Variants in AGMO observed in about 807,000 individuals in gnomAD.
The protein encoded by AGMO is glyceryl-ether monooxygenase.
In AGMO, 75 loss-of-function variants were observed where a neutral mutation model predicts 60.2. That is an observed-to-expected ratio of 1.25 (90% CI 1.03 to 1.51). The LOEUF (loss-of-function observed/expected upper bound fraction) is 1.51, where lower values mean the gene tolerates loss of function less well. Among genes scored for constraint, AGMO ranks in the 40% most tolerant of loss-of-function variants. The pLI is 0.00. For missense variants in AGMO, 763 were observed against 525.5 expected (o/e 1.45, Z -4.42); for synonymous variants, 261 against 177.1 (o/e 1.47, Z -3.76).
At chr7:15,346,533 T>A (rs1400890606) in intron 12 of AGMO, among the ~76,000 whole-genome samples, 8 of 151,656 alleles carry the variant, frequency 5.3e-5, no homozygotes. Flanking sequence ...CCTTCTTAAA[T>A]AATACGATAT....
At position 15,354,455 on chromosome 7, in the gene AGMO, T is replaced by C. The variant is rs59582394; in HGVS notation, c.1263+11059A>G. Among the ~76,000 whole-genome samples the C allele has an allele frequency of 2.6e-3, 52 of 19,798 alleles. 6 individuals carry two copies. The highest frequency in any genetic ancestry group is 9.7e-3 in the East Asian group (5 of 516). The allele number at this position is 19,798 out of a possible 152,430, so 13.0% of individuals were successfully genotyped here. A position where few individuals can be genotyped will look rare whatever the true frequency, so the allele number is the denominator to read the frequency against. On this transcript the variant is annotated intron_variant, in intron 12 of 12. Coordinates refer to ENST00000342526, the MANE Select transcript of AGMO (RefSeq NM_001004320.2). ...GTGTGTGTATACACACGTGTGTGTA[T>C]ACACACGTGTGTGTATACACACGTG...
chr7:15,258,467 T>A (rs953975274), intron 12 of AGMO, among the ~76,000 whole-genome samples: 1 of 151,308 alleles, frequency 6.6e-6, no homozygotes, highest in Non-Finnish European at 1.5e-5. Flanking sequence ...ATCACTTTAA[T>A]CCGGGAGGCG....
chr7:15,322,483 T>A (rs1318079273), intron 12 of AGMO, among the ~76,000 whole-genome samples: 1 of 94,764 alleles, frequency 1.1e-5, no homozygotes, highest in Non-Finnish European at 1.9e-5. Context: ...TAAATATATA[T>A]ATAAATATAT....
At chr7:15,309,969 G>T (rs1002377324) in intron 12 of AGMO, among the ~76,000 whole-genome samples, 3 of 151,976 alleles carry the variant, frequency 2.0e-5, no homozygotes, top group South Asian at 2.1e-4. Context: ...TATCCCTTCA[G>T]CTTCATATAA....
the AGMO span, among the ~76,000 whole-genome samples, chr7:15,159,052 TATCAAGAAACAAGATA>T: frequency 6.6e-6 from 1 of 152,026 alleles, no homozygotes; most frequent in Admixed American, 6.6e-5. Context: ...TCTCATAATA[TATCAAGAAACAAGATA>T]ATCAAGAAAC....
intron 3 of AGMO, among the ~76,000 whole-genome samples, chr7:15,475,564 C>T (rs1782572431): frequency 6.6e-6 from 1 of 151,838 alleles, no homozygotes; most frequent in African/African-American, 2.4e-5. Flanking sequence ...AGAGGGATAG[C>T]ATTAGGAGAA....
At chr7:15,273,400 C>A (rs1783677454) in intron 12 of AGMO, among the ~76,000 whole-genome samples, 1 of 152,080 alleles carries the variant, frequency 6.6e-6, no homozygotes. Context: ...TTCCTCATTT[C>A]TTGTTTTTGT....
chr7:15,518,179 C>G (rs925035074), intron 3 of AGMO, among the ~76,000 whole-genome samples: 2 of 152,178 alleles, frequency 1.3e-5, no homozygotes, highest in African/African-American at 4.8e-5. Flanking sequence ...GCACTTACTA[C>G]ATAGATAAAA....
the AGMO span, among the ~76,000 whole-genome samples, chr7:15,189,054 A>C: frequency 6.6e-6 from 1 of 152,190 alleles, no homozygotes; most frequent in African/African-American, 2.4e-5. Flanking sequence ...TCTTTTAAAA[A>C]GTTGGGGAAA....
chr7:15,207,004 AT>A lies in AGMO; in HGVS notation c.1264-5646del. ...TTCAGTTCCCTAATTTTATACAATT[AT>A]TTACTCACTTCTAAAGGTCTAAACT... On this transcript the variant is annotated intron_variant, in intron 12 of 12. Coordinates refer to ENST00000342526, the MANE Select transcript of AGMO (RefSeq NM_001004320.2). Among the ~76,000 whole-genome samples, 6 of 152,298 alleles carry A rather than the reference AT, an allele frequency of 3.9e-5. No individual in the cohort carries two copies. The Middle Eastern group carries it at 0.014, about 345-fold the overall frequency.
intron 12 of AGMO, among the ~76,000 whole-genome samples, chr7:15,317,954 C>CTA (rs56387330): frequency 0.011 from 1,562 of 140,682 alleles, 36 homozygotes; most frequent in African/African-American, 0.039. Flanking sequence ...CACACACACA[C>CTA]TATATATATA....
chr7:15,215,481 G>A (rs928263062), intron 12 of AGMO, among the ~76,000 whole-genome samples: 1 of 151,936 alleles, frequency 6.6e-6, no homozygotes, highest in Non-Finnish European at 1.5e-5. Context: ...GGCTGGGTCA[G>A]TAGGAATGAT....
At chr7:15,225,342 A>C (rs1057227580) in intron 12 of AGMO, among the ~76,000 whole-genome samples, 3 of 152,090 alleles carry the variant, frequency 2.0e-5, no homozygotes, top group Middle Eastern at 3.4e-3. Context: ...TCCTTCAGTT[A>C]ATCTTTGTAT....
At chr7:15,505,038 A>G (rs1465846443) in intron 3 of AGMO, among the ~76,000 whole-genome samples, 1 of 151,930 alleles carries the variant, frequency 6.6e-6, no homozygotes, top group Non-Finnish European at 1.5e-5. Context: ...TGTAATGCCA[A>G]TTTTAATTTC....
In AGMO at chr7:15,293,571, G is replaced by A. The variant is rs369695702; in HGVS notation, c.1263+71943C>T. On this transcript the variant is annotated intron_variant, in intron 12 of 12. Transcript: ENST00000342526. ...GAAACAACAACAACAAAAACTACCA[G>A]GGTACTAGTTACAAAAAACTGTTAA... Among the ~76,000 whole-genome samples the A allele has an allele frequency of 1.3e-3, 200 of 152,150 alleles. 6 individuals carry two copies. In the South Asian group the frequency reaches 0.041, roughly 31 times the overall value.
At chr7:15,388,036 T>A (rs1397005379) in intron 8 of AGMO, among the ~76,000 whole-genome samples, 1 of 151,802 alleles carries the variant, frequency 6.6e-6, no homozygotes, top group Non-Finnish European at 1.5e-5. Flanking sequence ...GCCTCCTGAG[T>A]AGCTGGGATT....
intron 12 of AGMO, among the ~76,000 whole-genome samples, chr7:15,223,961 A>AT (rs1159978949): frequency 6.6e-6 from 1 of 152,096 alleles, no homozygotes; most frequent in Non-Finnish European, 1.5e-5. Context: ...GCTGGAGGCT[A>AT]TCAAGTAAAA....
At chr7:15,250,829 C>T (rs1782909191) in intron 12 of AGMO, among the ~76,000 whole-genome samples, 1 of 151,860 alleles carries the variant, frequency 6.6e-6, no homozygotes, top group East Asian at 1.9e-4. Flanking sequence ...CCTGTAATCC[C>T]AGCTACTCGG....
chr7:15,198,834 T>TC (rs942747810), downstream of AGMO, among the ~76,000 whole-genome samples: 2 of 152,126 alleles, frequency 1.3e-5, no homozygotes, highest in African/African-American at 4.8e-5. Flanking sequence ...GAAAAATATC[T>TC]CCAACACCAA....
Sources: allele counts gnomAD v4.1 joint callset (sites outside exome capture counted in the v4.1 genomes callset), GRCh38; gene constraint gnomAD v4.1.1; transcripts MANE v1.5; gene names NCBI Gene and HGNC (gene_info 2026-07-23, HGNC 2026-07-21).